The following TTLL1 variants were observed in gnomAD, a reference collection of about 807,000 sequenced individuals.
TTLL1 encodes the protein polyglutamylase complex subunit TTLL1.
In TTLL1, 33 loss-of-function variants were observed where a neutral mutation model predicts 47.8. The observed-to-expected ratio is 0.69, with a 90% CI of 0.52 to 0.92. The LOEUF is 0.92. TTLL1 is among the 40% of genes least tolerant of loss of function. The probability of loss-of-function intolerance (pLI) is 0.00; values close to 1 mark genes in which losing one functional copy is unlikely to be tolerated. For synonymous variants in TTLL1, 225 were observed against 214.1 expected, an observed-to-expected ratio of 1.05 and a Z score of -0.45; for missense variants, 488 against 547.5, an observed-to-expected ratio of 0.89 and a Z score of 1.08.
At chr22:43,046,040 G>A (rs1926102767) in intron 10 of TTLL1, among the ~76,000 whole-genome samples, 1 of 152,076 alleles carries the variant, frequency 6.6e-6, no homozygotes, top group Non-Finnish European at 1.5e-5. Flanking sequence ...GGCCAACGTG[G>A]TGAAACCCTG....
intron 3 of TTLL1, 41 bp downstream of exon 3, chr22:43,075,433 A>C: frequency 1.3e-6 from 2 of 1,546,098 alleles, no homozygotes; most frequent in Non-Finnish European, 1.8e-6. Context: ...ACCGATACGT[A>C]AGCCTCAGAG....
intron 1 of TTLL1, among the ~76,000 whole-genome samples, chr22:43,088,324 CTTTTTTTTTTTTTTTT>C (rs1167618669): frequency 0.01 from 582 of 56,496 alleles, 15 homozygotes; most frequent in African/African-American, 0.039. Flanking sequence ...AAGGGCCCAT[CTTTTTTTTTTTTTTTT>C]TTTTTTTTTT....
intron 1 of TTLL1, among the ~76,000 whole-genome samples, chr22:43,088,071 C>G (rs1048419562): frequency 1.3e-5 from 2 of 151,520 alleles, no homozygotes; most frequent in Admixed American, 1.3e-4. Context: ...TCGCTTGAAC[C>G]CAGGAGGCAG....
intron 1 of TTLL1, among the ~76,000 whole-genome samples, chr22:43,085,521 T>G (rs767405185): frequency 7.9e-5 from 12 of 152,184 alleles, no homozygotes; most frequent in Non-Finnish European, 1.6e-4. Flanking sequence ...ATAAATCTTG[T>G]GAGATCTGAT....
rs138233602 is a variant in TTLL1 at position 43,068,584 on chromosome 22, A to G, written c.329T>C (p.Val110Ala). The G allele has an allele frequency of 1.1e-5, 16 of 1,484,782 alleles. No individual in the cohort carries two copies. In the African/African-American group the frequency reaches 2.2e-4, roughly 21 times the overall value. 92.0% of individuals were successfully genotyped at this position (1,484,782 alleles called of 1,614,324 possible). A position where few individuals can be genotyped will look rare whatever the true frequency, so the allele number is the denominator to read the frequency against. ...AGCGGGCAGCATATAGGTGACTGGA[A>G]CAAAGTCTGCAAGGCAAAGACACCC... is the stretch of plus-strand genomic sequence containing the variant. ...ENGKYLYLDF[V>A]PVTYMLPADY... The change falls in exon 5 of 11, where the codon GTT (valine) becomes GCT (alanine). Residue 110 changes from valine (V) to alanine (A), a missense_variant. Physicochemically the swap from Val to Ala is moderately conservative, Grantham distance 64. Transcript: ENST00000266254.
At chr22:43,043,470 C>T (rs994563410) in intron 10 of TTLL1, among the ~76,000 whole-genome samples, 2 of 152,026 alleles carry the variant, frequency 1.3e-5, no homozygotes, top group African/African-American at 4.8e-5. Context: ...GCACAGGGGC[C>T]ATCAGGACCC....
chr22:43,041,872 A>G (rs1329123852), intron 10 of TTLL1, among the ~76,000 whole-genome samples: 1 of 152,142 alleles, frequency 6.6e-6, no homozygotes, highest in Non-Finnish European at 1.5e-5. Context: ...GCTCTGCACC[A>G]GGGTGGAGCT....
intron 2 of TTLL1, among the ~76,000 whole-genome samples, chr22:43,076,866 C>A (rs895821264): frequency 3.3e-5 from 5 of 151,908 alleles, no homozygotes; most frequent in African/African-American, 1.2e-4. Context: ...CTTTGGGAGG[C>A]CGAGGCAGGT....
At chr22:43,043,863 G>A (rs1925893753) in intron 10 of TTLL1, among the ~76,000 whole-genome samples, 1 of 151,890 alleles carries the variant, frequency 6.6e-6, no homozygotes, top group Non-Finnish European at 1.5e-5. Context: ...AGATCCCTTG[G>A]AGAGCCAGGC....
At chr22:43,085,102 G>A (rs867488799) in intron 1 of TTLL1, among the ~76,000 whole-genome samples, 2 of 150,732 alleles carry the variant, frequency 1.3e-5, no homozygotes, top group South Asian at 2.1e-4. Context: ...TCAGCCTCCC[G>A]AGTAGCTGGG....
At chr22:43,082,081 A>T (rs575326727) in intron 1 of TTLL1, among the ~76,000 whole-genome samples, 1 of 149,798 alleles carries the variant, frequency 6.7e-6, no homozygotes, top group East Asian at 2.0e-4. Flanking sequence ...CAAACTCCTG[A>T]CCTCAAGTGA....
At chr22:43,081,952 CGA>C (rs58485002) in intron 1 of TTLL1, among the ~76,000 whole-genome samples, 111,940 of 148,660 alleles carry the variant, frequency 0.75, 42,664 homozygotes, top group Middle Eastern at 0.86. Context: ...TGGGATCAAG[CGA>C]GATTCTCCTG....
rs377745519 is a variant in TTLL1, at chr22:43,088,378, C to T, written c.-90+899G>A. Among the ~76,000 whole-genome samples, 662 of 131,054 alleles carry T rather than the reference C, an allele frequency of 5.1e-3. 3 individuals carry two copies. The highest frequency in any genetic ancestry group is 0.016 in the African/African-American group (544 of 33,628). 86.0% of individuals were successfully genotyped at this position (131,054 alleles called of 152,430 possible). A position where few individuals can be genotyped will look rare whatever the true frequency, so the allele number is the denominator to read the frequency against. On this transcript the variant is annotated intron_variant, in intron 1 of 10. Transcript: ENST00000266254. ...TTGAGACAGAATCTCGCTCTGTCGC[C>T]CAGGCTGGAGTGCAGTGGCGCAATC...
At chr22:43,075,326 C>CA (rs1164467632) in intron 3 of TTLL1, 148 bp downstream of exon 3, 5 of 714,702 alleles carry the variant, frequency 7.0e-6, no homozygotes, top group Non-Finnish European at 1.2e-5. Flanking sequence ...CATACTCTCA[C>CA]AAAAAACCTT....
intron 1 of TTLL1, among the ~76,000 whole-genome samples, chr22:43,080,902 C>CTTTTTTTTTTTTTTTTTTTT (rs10529079): frequency 4.3e-5 from 3 of 69,282 alleles, no homozygotes; most frequent in Admixed American, 1.9e-4. Context: ...TGTTGCATGA[C>CTTTTTTTTTTTTTTTTTTTT]TTTTTTTTTT....
chr22:43,062,521 GA>G (rs1180705243), intron 7 of TTLL1, among the ~76,000 whole-genome samples: 1 of 144,856 alleles, frequency 6.9e-6, no homozygotes, highest in African/African-American at 2.5e-5. Context: ...AAAGAAAAAA[GA>G]AAAAAAAAGA....
chr22:43,071,572 G>A (rs970705523), intron 3 of TTLL1, among the ~76,000 whole-genome samples: 1 of 152,046 alleles, frequency 6.6e-6, no homozygotes, highest in Admixed American at 6.6e-5. Context: ...ACCACACACC[G>A]CTAATTGTTA....
chr22:43,052,153 C>A, intron 8 of TTLL1: 1 of 461,178 alleles, frequency 2.2e-6, no homozygotes. Flanking sequence ...TGACTAGCAC[C>A]CAACCCCTCT....
chr22:43,076,868 G>A lies in TTLL1; in HGVS notation c.-4-1278C>T, dbSNP rs561494641. ...TGTAATCCCAGCACTTTGGGAGGCC[G>A]AGGCAGGTGGATCACGAGGTCAGGA... On this transcript the variant is annotated intron_variant, in intron 2 of 10. Transcript: ENST00000266254. 3.3e-5 allele frequency among the ~76,000 whole-genome samples: 5 copies of A among 151,716 alleles called. No individual in the cohort carries two copies. In the South Asian group the frequency reaches 6.3e-4, roughly 19 times the overall value.
Sources: gnomAD v4.1 joint callset for allele counts (sites outside exome capture counted in the v4.1 genomes callset) on GRCh38, gnomAD v4.1.1 for gene constraint, MANE v1.5 for transcripts, NCBI Gene and HGNC (gene_info 2026-07-23, HGNC 2026-07-21) for gene names.